Variants in NUBPL observed in about 807,000 individuals in gnomAD.
NUBPL encodes iron-sulfur cluster transfer protein NUBPL.
NUBPL carries 31 observed loss-of-function variants against 45.7 expected under a neutral mutation model. The observed-to-expected ratio is 0.68, with a 90% confidence interval of 0.51 to 0.92. NUBPL has a LOEUF of 0.92. Ranked by LOEUF, NUBPL falls within the 40% of genes least tolerant of loss-of-function variation. The pLI, the probability that NUBPL is intolerant of heterozygous loss-of-function variation, is 0.00. For synonymous variants in NUBPL, 144 were observed against 140.9 expected (o/e 1.02, Z -0.15); for missense variants, 401 against 398.7 (o/e 1.01, Z -0.05).
chr14:31,645,867 A>T (rs1450188884), intron 4 of NUBPL, among the ~76,000 whole-genome samples: 1 of 136,148 alleles, frequency 7.3e-6, no homozygotes, highest in Non-Finnish European at 1.5e-5. Flanking sequence ...ACTGTTTTCG[A>T]TAGATTTCTC....
chr14:31,839,907 G>C (rs1005817621), intron 8 of NUBPL, among the ~76,000 whole-genome samples: 39 of 151,980 alleles, frequency 2.6e-4, no homozygotes, highest in African/African-American at 8.5e-4. Context: ...CCTCATACCT[G>C]TTAGAATAGC....
chr14:31,640,288 A>C (rs796512186), intron 4 of NUBPL, among the ~76,000 whole-genome samples: 2 of 152,044 alleles, frequency 1.3e-5, no homozygotes, highest in Non-Finnish European at 2.9e-5. Flanking sequence ...ATGCTTACCT[A>C]ACCACCATAC....
intron 6 of NUBPL, among the ~76,000 whole-genome samples, chr14:31,773,450 A>G (rs1595609784): frequency 1.3e-5 from 2 of 152,290 alleles, no homozygotes; most frequent in Middle Eastern, 6.8e-3. Flanking sequence ...ATGGATGTAA[A>G]TATTTTCTTC....
In NUBPL at chr14:31,595,512, A is replaced by G. The variant is rs183841414; in HGVS notation, c.292-3777A>G. Reference sequence around the variant, plus strand: ...TGGCTGAAATTGAAGAAAATCCTAAATGGAGCTTTCTTGAGTAAATAAAAT... The same window carrying G: ...TGGCTGAAATTGAAGAAAATCCTAAGTGGAGCTTTCTTGAGTAAATAAAAT... On this transcript the variant is annotated intron_variant, in intron 3 of 10. Transcript: ENST00000281081. Among the ~76,000 whole-genome samples the G allele has an allele frequency of 3.9e-4, 60 of 152,306 alleles. No individual in the cohort carries two copies. In the East Asian group the frequency reaches 0.011, roughly 28 times the overall value.
At chr14:31,685,418 T>A (rs1354170277) in intron 6 of NUBPL, among the ~76,000 whole-genome samples, 1 of 152,108 alleles carries the variant, frequency 6.6e-6, no homozygotes, top group Non-Finnish European at 1.5e-5. Flanking sequence ...TATTCTAAAA[T>A]AGGCCATTCA....
At chr14:31,848,407 G>A (rs1340588114) in intron 9 of NUBPL, among the ~76,000 whole-genome samples, 1 of 152,132 alleles carries the variant, frequency 6.6e-6, no homozygotes, top group African/African-American at 2.4e-5. Context: ...ACCCTTATTT[G>A]TCCTTTACTG....
At chr14:31,823,942 T>C (rs2040058099) in intron 7 of NUBPL, among the ~76,000 whole-genome samples, 2 of 152,086 alleles carry the variant, frequency 1.3e-5, no homozygotes, top group South Asian at 4.1e-4. Flanking sequence ...AGTGTTAATT[T>C]TTGGTTTCTT....
chr14:31,750,359 A>T (rs1313951170), intron 6 of NUBPL, among the ~76,000 whole-genome samples: 9 of 137,422 alleles, frequency 6.5e-5, no homozygotes, highest in South Asian at 2.3e-4. Flanking sequence ...TTTTTTTTTT[A>T]ATTTTTATTT....
At position 31,850,115 on chromosome 14, in the gene NUBPL, T is replaced by C. The variant is rs762127507; in HGVS notation, c.815-4T>C. The C allele has an allele frequency of 1.1e-4, 170 of 1,611,884 alleles. No individual in the cohort carries two copies. Among genetic ancestry groups the C allele is most frequent in the Non-Finnish European group, 1.4e-4 (165 of 1,178,148 alleles). ...TCTAATGGATGTCTGCTGGGCTCTT[T>C]TAGGAGACATTCCCTTACACCTTAA... is the stretch of plus-strand genomic sequence containing the variant. On this transcript the variant is annotated splice_region_variant and splice_polypyrimidine_tract_variant and intron_variant, in intron 9 of 10. Transcript: ENST00000281081.
chr14:31,818,813 G>T (rs981878264), intron 7 of NUBPL, among the ~76,000 whole-genome samples: 33 of 152,338 alleles, frequency 2.2e-4, no homozygotes, highest in African/African-American at 7.5e-4. Flanking sequence ...CTCCCAAAGT[G>T]CTGGGATTAC....
chr14:31,634,159 C>T (rs945228251), intron 4 of NUBPL, among the ~76,000 whole-genome samples: 1 of 151,392 alleles, frequency 6.6e-6, no homozygotes, highest in Non-Finnish European at 1.5e-5. Flanking sequence ...CATATGTATA[C>T]ATGTACCATG....
chr14:31,757,155 AAAT>A (rs1374242504), intron 6 of NUBPL, among the ~76,000 whole-genome samples: 4 of 139,256 alleles, frequency 2.9e-5, no homozygotes, highest in African/African-American at 1.0e-4. Context: ...TATTGGTCTA[AAAT>A]TCTCTTTTTT....
chr14:31,812,938 C>G (rs1422736454), intron 7 of NUBPL, among the ~76,000 whole-genome samples: 1 of 152,010 alleles, frequency 6.6e-6, no homozygotes, highest in Non-Finnish European at 1.5e-5. Flanking sequence ...TCTTTTGTCC[C>G]CAGTGGTTCC....
chr14:31,804,157 T>A (rs1204283937), intron 7 of NUBPL, among the ~76,000 whole-genome samples: 1 of 152,196 alleles, frequency 6.6e-6, no homozygotes, highest in Non-Finnish European at 1.5e-5. Flanking sequence ...CTGCCCTCTA[T>A]GAGTTTGTAA....
chr14:31,694,093 G>A (rs1267513789), intron 6 of NUBPL, among the ~76,000 whole-genome samples: 2 of 151,986 alleles, frequency 1.3e-5, no homozygotes, highest in Non-Finnish European at 1.5e-5. Context: ...CTGACCTCGT[G>A]ATCTGCCCAC....
intron 6 of NUBPL, among the ~76,000 whole-genome samples, chr14:31,760,427 A>G (rs1239867872): frequency 6.6e-6 from 1 of 152,052 alleles, no homozygotes; most frequent in African/African-American, 2.4e-5. Flanking sequence ...TGTTTGGATT[A>G]TAGGCATGAG....
intron 4 of NUBPL, among the ~76,000 whole-genome samples, chr14:31,656,172 T>C (rs995946242): frequency 2.6e-5 from 4 of 152,218 alleles, no homozygotes; most frequent in Admixed American, 6.5e-5. Flanking sequence ...CTCTCAGCTT[T>C]AATAGAATTG....
intron 3 of NUBPL, among the ~76,000 whole-genome samples, chr14:31,573,769 A>C (rs1595299125): frequency 6.6e-6 from 1 of 151,754 alleles, no homozygotes; most frequent in South Asian, 2.1e-4. Flanking sequence ...CTTGTTCTCT[A>C]TTTTCTCTGC....
In NUBPL at chr14:31,841,664, C is replaced by G. The variant is rs538164176; in HGVS notation, c.694-4807C>G. Among the ~76,000 whole-genome samples, 12 of 152,060 alleles carry G rather than the reference C, an allele frequency of 7.9e-5. 1 individual carries two copies. The South Asian group carries it at 2.1e-3, about 26-fold the overall frequency. On this transcript the variant is annotated intron_variant, in intron 8 of 10. Coordinates refer to ENST00000281081, the MANE Select transcript of NUBPL (RefSeq NM_025152.3). ...TTAATTTAAATAATTTCATTTGTGT[C>G]TAGTGTAACTTTGTGTCCTGCTAGA...
Sources: gnomAD v4.1 joint callset for allele counts (sites outside exome capture counted in the v4.1 genomes callset) on GRCh38, gnomAD v4.1.1 for gene constraint, MANE v1.5 for transcripts, NCBI Gene and HGNC (gene_info 2026-07-23, HGNC 2026-07-21) for gene names.